The following CREBBP variants were observed in gnomAD, a reference collection of about 807,000 sequenced individuals.
The protein encoded by CREBBP is CREB-binding protein.
In CREBBP, 19 loss-of-function variants were observed where a neutral mutation model predicts 265.0. That is an observed-to-expected ratio of 0.07 (90% CI 0.05 to 0.11). CREBBP has a LOEUF of 0.11. Ranked by LOEUF, CREBBP falls within the 10% of genes least tolerant of loss-of-function variation. The pLI, the probability that CREBBP is intolerant of heterozygous loss-of-function variation, is 1.00. For missense variants in CREBBP, 2,525 were observed against 3,219.0 expected, an observed-to-expected ratio of 0.78 and a Z score of 5.22; for synonymous variants, 1,457 against 1,223.7, an observed-to-expected ratio of 1.19 and a Z score of -3.98.
At chr16:3,783,466 T>C (rs935287481) in intron 5 of CREBBP, among the ~76,000 whole-genome samples, 44 of 152,370 alleles carry the variant, frequency 2.9e-4, no homozygotes, top group Non-Finnish European at 1.3e-4. Context: ...AATCACATAA[T>C]TGCAAGTCCT....
In CREBBP at chr16:3,829,228, T is replaced by C. The variant is rs149359415; in HGVS notation, c.799-18449A>G. Among the ~76,000 whole-genome samples, 201 of 152,320 alleles carry C rather than the reference T, an allele frequency of 1.3e-3. 1 individual carries two copies. The Middle Eastern group carries it at 0.017, about 13-fold the overall frequency. On this transcript the variant is annotated intron_variant, in intron 2 of 30. Transcript: ENST00000262367. ...TCCTTGAAGTTATGATTTGGACCCATTTACATTAAGAATGTTAGATGTGGC... is the reference window on the plus strand; with the variant it reads ...TCCTTGAAGTTATGATTTGGACCCACTTACATTAAGAATGTTAGATGTGGC...
At chr16:3,858,540 C>G (rs1011539760) in intron 1 of CREBBP, among the ~76,000 whole-genome samples, 2 of 152,238 alleles carry the variant, frequency 1.3e-5, no homozygotes, top group Admixed American at 1.3e-4. Context: ...TCCTGTCTTG[C>G]TTATCTACTC....
intron 2 of CREBBP, among the ~76,000 whole-genome samples, chr16:3,845,659 G>A (rs1289626494): frequency 1.3e-5 from 2 of 152,114 alleles, no homozygotes; most frequent in Admixed American, 1.3e-4. Context: ...GCTGAGGTGG[G>A]TGGATCGCTT....
chr16:3,851,633 T>A (rs1385095790), intron 1 of CREBBP, among the ~76,000 whole-genome samples: 3 of 151,892 alleles, frequency 2.0e-5, no homozygotes, highest in Admixed American at 6.6e-5. Context: ...GGCAGGCGGA[T>A]CACGAGGTCA....
chr16:3,769,317 G>T lies in CREBBP; in HGVS notation c.2917C>A (p.Pro973Thr), dbSNP rs2052941393. The T allele has an allele frequency of 2.5e-6, 4 of 1,614,118 alleles. No homozygotes were observed. Among genetic ancestry groups the T allele is most frequent in the Non-Finnish European group, 2.5e-6 (3 of 1,180,012 alleles). The change falls in exon 15 of 31, where the codon CCT becomes ACT. Residue 973 changes from proline (P) to threonine (T), a missense_variant. By Grantham distance (38) the Pro-to-Thr change is conservative. Coordinates refer to ENST00000262367, the MANE Select transcript of CREBBP (RefSeq NM_004380.3). ...QAAASIDNRV[P>T]TPSSVASAET... ...GCGCTGGCCACCGAGGAGGGGGTAGGGACTCTGTTATCAATGCTGGCTGCT... is the reference window on the plus strand; with the variant it reads ...GCGCTGGCCACCGAGGAGGGGGTAGTGACTCTGTTATCAATGCTGGCTGCT...
intron 2 of CREBBP, among the ~76,000 whole-genome samples, chr16:3,814,566 C>G (rs1267389133): frequency 1.3e-5 from 2 of 152,012 alleles, no homozygotes; most frequent in Non-Finnish European, 2.9e-5. Context: ...CATAACTGGT[C>G]AATTTCAAAG....
intron 2 of CREBBP, among the ~76,000 whole-genome samples, chr16:3,826,090 G>A (rs993671458): frequency 6.6e-5 from 10 of 152,190 alleles, no homozygotes; most frequent in African/African-American, 2.2e-4. Context: ...GCATGAGCCT[G>A]TAGTCCCAGC....
In CREBBP at chr16:3,728,369, CGCCATGCCCCCA is replaced by C. The variant is rs778220523; in HGVS notation, c.6666_6677del (p.Gly2224_Gly2227del). On this transcript the variant is annotated inframe_deletion, in exon 31 of 31. Transcript: ENST00000262367. This position sits in a 1 kb window ranked among gnomAD's most constrained non-coding sequence, Gnocchi z 8.7. ...GAGGCTGCTGGAACTGGCCGTGCCC[CGCCATGCCCCCA>C]GCCATGCCGGCACTCCCTTGCTGCT... is the stretch of plus-strand genomic sequence containing the variant. 15 of 1,612,834 alleles carry C rather than the reference CGCCATGCCCCCA, an allele frequency of 9.3e-6. No individual in the cohort carries two copies. Among genetic ancestry groups the C allele is most frequent in the Middle Eastern group, 1.7e-4 (1 of 6,048 alleles).
chr16:3,783,412 T>C (rs1434411358), intron 5 of CREBBP, among the ~76,000 whole-genome samples: 1 of 152,226 alleles, frequency 6.6e-6, no homozygotes, highest in Non-Finnish European at 1.5e-5. Flanking sequence ...AGATGATACC[T>C]GGTCGGTCAG....
chr16:3,768,852 C>A (rs1276184945), intron 15 of CREBBP, among the ~76,000 whole-genome samples: 1 of 152,150 alleles, frequency 6.6e-6, no homozygotes, highest in African/African-American at 2.4e-5. Context: ...GTAAATGAAT[C>A]CACCACCCCT....
chr16:3,873,584 T>C (rs937284467), intron 1 of CREBBP, among the ~76,000 whole-genome samples: 1 of 152,192 alleles, frequency 6.6e-6, no homozygotes, highest in Non-Finnish European at 1.5e-5. Flanking sequence ...TTAACGCTAG[T>C]GTCAGTTCCC....
At chr16:3,746,008 G>A (rs183780144) in intron 21 of CREBBP, among the ~76,000 whole-genome samples, 7 of 152,260 alleles carry the variant, frequency 4.6e-5, no homozygotes, top group African/African-American at 7.2e-5. Context: ...CCACAACCAC[G>A]GCCCACCAGG....
In CREBBP at chr16:3,782,293, G is replaced by A. The variant is rs1011013719; in HGVS notation, c.1573+391C>T. Among the ~76,000 whole-genome samples the A allele has an allele frequency of 6.6e-5, 10 of 152,084 alleles. No homozygotes were observed. In the South Asian group the frequency reaches 8.3e-4, roughly 13 times the overall value. On this transcript the variant is annotated intron_variant, in intron 6 of 30. Transcript: ENST00000262367. ...TCCAGGCTGGTCACTTCCAACTGAG[G>A]GGTAGACCCTAACCAAGATGTGTGA... is the stretch of plus-strand genomic sequence containing the variant.
intron 1 of CREBBP, among the ~76,000 whole-genome samples, chr16:3,870,725 C>G (rs550173887): frequency 6.6e-6 from 1 of 152,326 alleles, no homozygotes; most frequent in Admixed American, 6.5e-5. Context: ...CAGGCTACAT[C>G]ATCTTAGTCC....
intron 2 of CREBBP, among the ~76,000 whole-genome samples, chr16:3,849,089 T>A (rs2054728265): frequency 6.6e-6 from 1 of 152,148 alleles, no homozygotes; most frequent in Non-Finnish European, 1.5e-5. Flanking sequence ...CAGCCCAAAC[T>A]GATTTTCTGT....
chr16:3,803,852 G>T (rs943675204), intron 3 of CREBBP, among the ~76,000 whole-genome samples: 3 of 152,108 alleles, frequency 2.0e-5, no homozygotes, highest in African/African-American at 7.2e-5. Flanking sequence ...AGGCCCAGGT[G>T]GGTGGATCTC....
At chr16:3,826,751 C>T (rs545142183) in intron 2 of CREBBP, among the ~76,000 whole-genome samples, 89 of 152,074 alleles carry the variant, frequency 5.9e-4, no homozygotes, top group Middle Eastern at 3.4e-3. Flanking sequence ...GGAGACAGGA[C>T]GATTAAAAGT....
chr16:3,871,140 T>C (rs1442264761), intron 1 of CREBBP, among the ~76,000 whole-genome samples: 2 of 149,988 alleles, frequency 1.3e-5, no homozygotes, highest in African/African-American at 4.9e-5. Context: ...AAGAAACAAA[T>C]GGAATACTGC....
In CREBBP at chr16:3,782,761, T is replaced by G; in HGVS notation, c.1496A>C (p.Gln499Pro). The G allele has an allele frequency of 6.2e-7, 1 of 1,614,160 alleles. No individual in the cohort carries two copies. Among genetic ancestry groups the G allele is most frequent in the Non-Finnish European group, 8.5e-7 (1 of 1,180,028 alleles). The part of the protein sequence containing the change: ...GLPYMNQPQT[Q>P]LQPQVPGQQP... ...CTGGCCAGGAACCTGAGGCTGCAGC[T>G]GCGTCTGGGGCTGGTTCATGTAGGG... Residue 499 changes from glutamine to proline, a missense_variant, in exon 6 of 31, where the codon CAG becomes CCG. Coordinates refer to ENST00000262367, the MANE Select transcript of CREBBP (RefSeq NM_004380.3).
Sources: allele counts gnomAD v4.1 joint callset (sites outside exome capture counted in the v4.1 genomes callset), GRCh38; gene constraint gnomAD v4.1.1; non-coding constraint Gnocchi (gnomAD v3.1); transcripts MANE v1.5; gene names NCBI Gene and HGNC (gene_info 2026-07-23, HGNC 2026-07-21).